FRAS1: variants seen among roughly 807,000 people sequenced by gnomAD.
FRAS1 encodes extracellular matrix organizing protein FRAS1.
FRAS1 carries 290 observed loss-of-function variants against 435.2 expected under a neutral mutation model. That is an observed-to-expected ratio of 0.67 (90% CI 0.61 to 0.73). The LOEUF is 0.73. FRAS1 is among the 30% of genes least tolerant of loss of function. FRAS1 has a pLI of 0.00. For synonymous variants in FRAS1, 1,800 were observed against 1,851.0 expected (o/e 0.97, Z 0.71); for missense variants, 4,860 against 5,001.5 (o/e 0.97, Z 0.85).
At chr4:78,515,738 C>G in intron 65 of FRAS1, 61 bp from the exon 66 acceptor site, 1 of 1,512,228 alleles carries the variant, frequency 6.6e-7, no homozygotes. Context: ...CTCTTCACCC[C>G]ACCCTGCTCC....
intron 32 of FRAS1, 105 bp downstream of exon 32, chr4:78,413,190 C>T (rs552464038): frequency 6.3e-5 from 37 of 591,428 alleles, no homozygotes; most frequent in Admixed American, 1.1e-4. Context: ...GTGCCTGGCC[C>T]AGATCACAGA....
rs2110237661 is a variant in FRAS1 at position 78,318,991 on chromosome 4, G to A, written c.2137+5G>A. On this transcript the variant is annotated splice_donor_5th_base_variant and intron_variant, in intron 18 of 73. Coordinates refer to ENST00000512123, the MANE Select transcript of FRAS1 (RefSeq NM_025074.7). Reference sequence around the variant, plus strand: ...AGAGCACTGGCATATGTGAAGGTAAGCATGATTTGAGAAAGTGTTAGGTAG... The same window carrying A: ...AGAGCACTGGCATATGTGAAGGTAAACATGATTTGAGAAAGTGTTAGGTAG... The A allele has an allele frequency of 3.7e-6, 6 of 1,613,740 alleles. No individual in the cohort carries two copies. The highest frequency in any genetic ancestry group is 5.1e-6 in the Non-Finnish European group (6 of 1,179,720).
intron 28 of FRAS1, among the ~76,000 whole-genome samples, chr4:78,384,632 G>T (rs575103147): frequency 6.6e-6 from 1 of 152,122 alleles, no homozygotes; most frequent in East Asian, 1.9e-4. Flanking sequence ...AGTGGCTCAT[G>T]CCTATAATCT....
intron 64 of FRAS1, 58 bp downstream of exon 64, chr4:78,511,564 T>C: frequency 7.9e-7 from 1 of 1,258,434 alleles, no homozygotes; most frequent in Non-Finnish European, 1.1e-6. Context: ...AGGTCTCCTT[T>C]GTGTGTTTCC....
At chr4:78,127,750 A>C in intron 2 of FRAS1, among the ~76,000 whole-genome samples, 1 of 151,974 alleles carries the variant, frequency 6.6e-6, no homozygotes, top group South Asian at 2.1e-4. Context: ...TTATTTTTTT[A>C]ATTTTATTAT....
chr4:78,384,844 G>A (rs1225363968), intron 28 of FRAS1, among the ~76,000 whole-genome samples: 1 of 149,484 alleles, frequency 6.7e-6, no homozygotes, highest in South Asian at 2.1e-4. Flanking sequence ...GGAGGTTGAG[G>A]CTGCAATGAA....
chr4:78,233,856 T>C (rs1191266529), intron 2 of FRAS1, among the ~76,000 whole-genome samples: 1 of 152,224 alleles, frequency 6.6e-6, no homozygotes. Flanking sequence ...ATCTCACTCA[T>C]CCTGTTTTCT....
In FRAS1 at chr4:78,141,120, T is replaced by C. The variant is rs185675998; in HGVS notation, c.108+75104T>C. On this transcript the variant is annotated intron_variant, in intron 2 of 73. Transcript: ENST00000512123. ...TGCAGGTTTGTTACATAGGTATACATGTGCCATGGTGGTTTGCTGCACCCA... is the reference window on the plus strand; with the variant it reads ...TGCAGGTTTGTTACATAGGTATACACGTGCCATGGTGGTTTGCTGCACCCA... Among the ~76,000 whole-genome samples the C allele has an allele frequency of 2.0e-4, 31 of 152,258 alleles. No individual in the cohort carries two copies. The East Asian group carries it at 6.0e-3, about 29-fold the overall frequency.
intron 2 of FRAS1, among the ~76,000 whole-genome samples, chr4:78,113,105 G>A (rs945464879): frequency 3.3e-5 from 5 of 152,044 alleles, no homozygotes; most frequent in Admixed American, 6.6e-5. Flanking sequence ...GCGATAGTTT[G>A]CTGAGAATGA....
rs1415894874 is a variant in FRAS1, at chr4:78,413,038, A to G, written c.4378A>G (p.Thr1460Ala). ...GTTCAACATCGCGATCTTACCACAG[A>G]CACCTGAAGCACCTAAAGTGTCTCT... The part of the protein sequence containing the change: ...HMFNIAILPQ[T>A]PEAPKVSLEA... The change falls in exon 32 of 74, where the codon ACA becomes GCA. Residue 1460 changes from threonine (T) to alanine (A), a missense_variant. By Grantham distance (58) the Thr-to-Ala change is moderately conservative. Coordinates refer to ENST00000512123, the MANE Select transcript of FRAS1 (RefSeq NM_025074.7). 1 of 1,611,494 alleles carries G rather than the reference A, an allele frequency of 6.2e-7. No homozygotes were observed. The highest frequency in any genetic ancestry group is 1.1e-5 in the South Asian group (1 of 90,412).
intron 2 of FRAS1, among the ~76,000 whole-genome samples, chr4:78,154,954 T>C (rs1291886998): frequency 6.6e-6 from 1 of 152,222 alleles, no homozygotes; most frequent in Non-Finnish European, 1.5e-5. Context: ...CAGTGAGGAA[T>C]AGAGGCAGTG....
chr4:78,361,488 C>A (rs553530023), intron 20 of FRAS1, among the ~76,000 whole-genome samples: 24 of 152,292 alleles, frequency 1.6e-4, no homozygotes, highest in Admixed American at 7.8e-4. Flanking sequence ...GTTGCCAAAA[C>A]AATCAGCATT....
At chr4:78,536,299 A>T (rs1324589250) in intron 71 of FRAS1, among the ~76,000 whole-genome samples, 2 of 151,396 alleles carry the variant, frequency 1.3e-5, no homozygotes, top group East Asian at 3.9e-4. Flanking sequence ...TACTGCTCAA[A>T]TATCATGTCT....
At chr4:78,463,797 C>T (rs569498794) in intron 47 of FRAS1, among the ~76,000 whole-genome samples, 3 of 152,244 alleles carry the variant, frequency 2.0e-5, no homozygotes, top group South Asian at 2.1e-4. Context: ...GTTGGCTTTG[C>T]GCATAGAAGC....
intron 5 of FRAS1, among the ~76,000 whole-genome samples, chr4:78,252,772 C>T (rs1725604337): frequency 2.6e-5 from 4 of 152,054 alleles, no homozygotes; most frequent in African/African-American, 7.3e-5. Context: ...AGCCACAAAA[C>T]CAGCAAGTTT....
chr4:78,542,065 G>GT lies in FRAS1; in HGVS notation c.*947dup, dbSNP rs2109912852. The GT allele has an allele frequency of 6.6e-6, 1 of 152,304 alleles. No homozygotes were observed. Among genetic ancestry groups the GT allele is most frequent in the East Asian group, 1.9e-4 (1 of 5,190 alleles). 9.4% of individuals were successfully genotyped at this position (152,304 alleles called of 1,614,324 possible). On this transcript the variant is annotated 3_prime_UTR_variant, in exon 74 of 74. Coordinates refer to ENST00000512123, the MANE Select transcript of FRAS1 (RefSeq NM_025074.7). ...CAGACAATCCCATGTCCTAGGTATG[G>GT]TTTTTTATTCTGTTAGTGCTTCGGG...
rs543104206 is a variant in FRAS1 at position 78,066,896 on chromosome 4, C to G, written c.108+880C>G. Among the ~76,000 whole-genome samples, 18 of 152,222 alleles carry G rather than the reference C, an allele frequency of 1.2e-4. No homozygotes were observed. The South Asian group carries it at 3.5e-3, about 30-fold the overall frequency. ...AACTGTAGATATTCACCATAATATC[C>G]TTGAATCTGCACTTTATATACTGTA... On this transcript the variant is annotated intron_variant, in intron 2 of 73. Coordinates refer to ENST00000512123, the MANE Select transcript of FRAS1 (RefSeq NM_025074.7).
At chr4:78,441,552 A>G (rs1006764595) in intron 41 of FRAS1, among the ~76,000 whole-genome samples, 2 of 152,188 alleles carry the variant, frequency 1.3e-5, no homozygotes, top group Non-Finnish European at 2.9e-5. Context: ...AGTGCCTTCA[A>G]TTCTGGTGGG....
chr4:78,313,244 G>T (rs1192524394), intron 15 of FRAS1, among the ~76,000 whole-genome samples: 3 of 152,144 alleles, frequency 2.0e-5, no homozygotes, highest in Non-Finnish European at 4.4e-5. Flanking sequence ...CCAGTCCTGA[G>T]TTCAGGGGTG....
Sources: gnomAD v4.1 joint callset for allele counts (sites outside exome capture counted in the v4.1 genomes callset) on GRCh38, gnomAD v4.1.1 for gene constraint, MANE v1.5 for transcripts, NCBI Gene and HGNC (gene_info 2026-07-23, HGNC 2026-07-21) for gene names.